The following SCARA3 variants were observed in gnomAD, a reference collection of about 807,000 sequenced individuals.
The protein encoded by SCARA3 is scavenger receptor class A member 3.
SCARA3 carries 39 observed loss-of-function variants against 47.0 expected under a neutral mutation model. The ratio of observed to expected loss-of-function variants is 0.83; its 90% CI spans 0.64 to 1.08. The LOEUF is 1.08. Ranked by LOEUF, SCARA3 falls within the 50% of genes least tolerant of loss-of-function variation. SCARA3 has a pLI of 0.00. For synonymous variants in SCARA3, 356 were observed against 334.1 expected (o/e 1.07, Z -0.71); for missense variants, 724 against 792.3 (o/e 0.91, Z 1.04).
At chr8:27,670,436 C>T (rs1163638905) in intron 5 of SCARA3, among the ~76,000 whole-genome samples, 1 of 152,182 alleles carries the variant, frequency 6.6e-6, no homozygotes, top group Non-Finnish European at 1.5e-5. Context: ...TGTCACTGTG[C>T]CCACTTACTC....
At chr8:27,731,518 C>T in the SCARA3 span, among the ~76,000 whole-genome samples, 4 of 151,778 alleles carry the variant, frequency 2.6e-5, no homozygotes, top group South Asian at 2.1e-4. Flanking sequence ...AGTGATGGTG[C>T]GCGCCTGTAT....
chr8:27,688,371 GA>G, the SCARA3 span, among the ~76,000 whole-genome samples: 36 of 149,050 alleles, frequency 2.4e-4, no homozygotes, highest in African/African-American at 8.6e-4. Context: ...TAAATATAAA[GA>G]AAAAAACTGG....
the SCARA3 span, among the ~76,000 whole-genome samples, chr8:27,700,576 C>T: frequency 6.6e-6 from 1 of 150,994 alleles, no homozygotes; most frequent in Non-Finnish European, 1.5e-5. Flanking sequence ...CACTGCACTC[C>T]AGCCTAAGCA....
intron 3 of SCARA3, among the ~76,000 whole-genome samples, chr8:27,653,627 G>A (rs1430791425): frequency 7.1e-6 from 1 of 140,908 alleles, no homozygotes; most frequent in African/African-American, 2.5e-5. Context: ...TCTGTGGATA[G>A]ACTGGTCAAT....
At position 27,638,466 on chromosome 8, in the gene SCARA3, T is replaced by A. The variant is rs573724630; in HGVS notation, c.7+4259T>A. The stretch of plus-strand genomic sequence containing the variant: ...CATCCAGGTGGACCAGATGATCCCA[T>A]GGGATGGCATCAGAGTGTAAGTTTC... On this transcript the variant is annotated intron_variant, in intron 1 of 5. Coordinates refer to ENST00000301904, the MANE Select transcript of SCARA3 (RefSeq NM_016240.3). Among the ~76,000 whole-genome samples, 12 of 152,182 alleles carry A rather than the reference T, an allele frequency of 7.9e-5. No homozygotes were observed. The South Asian group carries it at 2.5e-3, about 32-fold the overall frequency.
rs1802196231 is a variant in SCARA3, at chr8:27,672,702, G to C, written c.*1351G>C. On this transcript the variant is annotated 3_prime_UTR_variant, in exon 6 of 6. Transcript: ENST00000301904. ...AACTTCCTGCACACACTGGCAGAGA[G>C]GGGCGCTGGGAAATCACCCCACAGG... is the stretch of plus-strand genomic sequence containing the variant. 1 of 985,550 alleles carries C rather than the reference G, an allele frequency of 1.0e-6. No individual in the cohort carries two copies. Among genetic ancestry groups the C allele is most frequent in the African/African-American group, 1.7e-5 (1 of 57,252 alleles). The allele number at this position is 985,550 out of a possible 1,614,324, so 61.1% of individuals were successfully genotyped here. A position where few individuals can be genotyped will look rare whatever the true frequency, so the allele number is the denominator to read the frequency against.
At chr8:27,720,414 T>C in the SCARA3 span, among the ~76,000 whole-genome samples, 1 of 152,180 alleles carries the variant, frequency 6.6e-6, no homozygotes, top group Non-Finnish European at 1.5e-5. Context: ...CAGGTGACCC[T>C]ACCACTTAAG....
intron 3 of SCARA3, among the ~76,000 whole-genome samples, chr8:27,654,497 G>A (rs1801699364): frequency 6.6e-6 from 1 of 152,168 alleles, no homozygotes; most frequent in Non-Finnish European, 1.5e-5. Flanking sequence ...AGTGGCTCAT[G>A]TCTGTAACCC....
the SCARA3 span, among the ~76,000 whole-genome samples, chr8:27,685,061 C>G: frequency 4.6e-5 from 7 of 152,210 alleles, no homozygotes; most frequent in East Asian, 1.3e-3. Context: ...TCCACACCCT[C>G]TTCTTCAGGT....
the SCARA3 span, among the ~76,000 whole-genome samples, chr8:27,727,608 G>C: frequency 6.6e-6 from 1 of 152,216 alleles, no homozygotes. Flanking sequence ...CTCCGAGCCA[G>C]AGCTCTCCAG....
At chr8:27,670,758 C>T (rs1384380473) in intron 5 of SCARA3, 142 bp from the exon 6 acceptor site, 4 of 646,496 alleles carry the variant, frequency 6.2e-6, no homozygotes, top group East Asian at 2.9e-5. Flanking sequence ...GTGGAGCTAT[C>T]GGCAAGCCTT....
the SCARA3 span, among the ~76,000 whole-genome samples, chr8:27,731,641 C>CAGA: frequency 1.0e-5 from 1 of 100,052 alleles, no homozygotes; most frequent in African/African-American, 3.9e-5. Flanking sequence ...GACTCTGTCT[C>CAGA]AAAAAAAAAA....
chr8:27,637,211 C>G (rs907416043), intron 1 of SCARA3, among the ~76,000 whole-genome samples: 1 of 152,242 alleles, frequency 6.6e-6, no homozygotes, highest in Admixed American at 6.5e-5. Context: ...TCCTGCCCCA[C>G]GGCCAGCTGA....
the SCARA3 span, among the ~76,000 whole-genome samples, chr8:27,723,638 C>A: frequency 6.6e-6 from 1 of 152,192 alleles, no homozygotes; most frequent in Non-Finnish European, 1.5e-5. Context: ...GACGGACACC[C>A]CAGGTACTGA....
chr8:27,645,097 C>T (rs1055429998), intron 1 of SCARA3, among the ~76,000 whole-genome samples: 5 of 152,316 alleles, frequency 3.3e-5, no homozygotes, highest in East Asian at 3.9e-4. Flanking sequence ...ATTTCGCCTT[C>T]GCTGCAAAAT....
chr8:27,666,954 G>GC (rs1363559601), intron 5 of SCARA3, among the ~76,000 whole-genome samples: 2 of 152,058 alleles, frequency 1.3e-5, no homozygotes, highest in African/African-American at 2.4e-5. Flanking sequence ...AATCATGGCC[G>GC]CCCCCCTCCA....
chr8:27,706,358 G>A, the SCARA3 span, among the ~76,000 whole-genome samples: 1 of 152,034 alleles, frequency 6.6e-6, no homozygotes, highest in African/African-American at 2.4e-5. Flanking sequence ...TCGCCGTGTT[G>A]GCCAGGCTGG....
the SCARA3 span, among the ~76,000 whole-genome samples, chr8:27,707,099 T>A: frequency 6.6e-6 from 1 of 151,924 alleles, no homozygotes; most frequent in Non-Finnish European, 1.5e-5. Flanking sequence ...GAAAAGGAGG[T>A]ATCAATTGAA....
At chr8:27,695,332 A>G in the SCARA3 span, among the ~76,000 whole-genome samples, 1 of 152,232 alleles carries the variant, frequency 6.6e-6, no homozygotes, top group Admixed American at 6.5e-5. Context: ...GCCATAACAA[A>G]GCATAAAATA....
Sources: gnomAD v4.1 joint callset for allele counts (sites outside exome capture counted in the v4.1 genomes callset) on GRCh38, gnomAD v4.1.1 for gene constraint, MANE v1.5 for transcripts, NCBI Gene and HGNC (gene_info 2026-07-23, HGNC 2026-07-21) for gene names.